Variants in FDFT1 observed in about 807,000 individuals in gnomAD.
The protein encoded by FDFT1 is squalene synthase.
FDFT1 carries 68 observed loss-of-function variants against 46.8 expected under a neutral mutation model. That is an observed-to-expected ratio of 1.45 (90% CI 1.19 to 1.78). The LOEUF is 1.78. Ranked by LOEUF, FDFT1 falls within the 40% of genes most tolerant of loss-of-function variation. The probability of loss-of-function intolerance (pLI) is 0.00; values close to 1 mark genes in which losing one functional copy is unlikely to be tolerated. For missense variants in FDFT1, 928 were observed against 524.4 expected (o/e 1.77, Z -7.52); for synonymous variants, 351 against 185.1 (o/e 1.90, Z -7.28).
In FDFT1 at chr8:11,831,839, C is replaced by G. The variant is rs566492334; in HGVS notation, c.1032+169C>G. 21 of 620,648 alleles carry G rather than the reference C, an allele frequency of 3.4e-5. No homozygotes were observed. The African/African-American group carries it at 3.7e-4, about 11-fold the overall frequency. The allele number at this position is 620,648 out of a possible 1,614,324, so 38.4% of individuals were successfully genotyped here. A position where few individuals can be genotyped will look rare whatever the true frequency, so the allele number is the denominator to read the frequency against. ...AAGGAAAAAAGTCTATTCACAGGAG[C>G]CGAGCAGATTGCTCACTGCTGTGTA... On this transcript the variant is annotated intron_variant, in intron 7 of 7. Transcript: ENST00000220584.
rs1173933710 is a variant in FDFT1 at position 11,808,413 on chromosome 8, C to T, written c.100-381C>T. On this transcript the variant is annotated intron_variant, in intron 1 of 7. Coordinates refer to ENST00000220584, the MANE Select transcript of FDFT1 (RefSeq NM_004462.5). Reference sequence around the variant, plus strand: ...GGGGCGGGCCCGTTGTGGGTCGGCCCAGCGCGTATTCGAGTAGAGGGCGAG... The same window carrying T: ...GGGGCGGGCCCGTTGTGGGTCGGCCTAGCGCGTATTCGAGTAGAGGGCGAG... 13 of 1,255,020 alleles carry T rather than the reference C, an allele frequency of 1.0e-5. No individual in the cohort carries two copies. The East Asian group carries it at 3.8e-4, about 37-fold the overall frequency. 77.7% of individuals were successfully genotyped at this position (1,255,020 alleles called of 1,614,324 possible).
intron 3 of FDFT1, among the ~76,000 whole-genome samples, chr8:11,815,304 A>G (rs924494638): frequency 3.9e-5 from 6 of 152,048 alleles, no homozygotes; most frequent in African/African-American, 2.4e-5. Context: ...GGTCTTTGCT[A>G]TTGTGAATAG....
At chr8:11,814,548 T>A (rs1189032428) in intron 3 of FDFT1, among the ~76,000 whole-genome samples, 1 of 152,220 alleles carries the variant, frequency 6.6e-6, no homozygotes, top group Non-Finnish European at 1.5e-5. Flanking sequence ...TAGGCTCTCA[T>A]GTTTTAAGAC....
At chr8:11,801,765 C>A, upstream of FDFT1, 1 of 357,446 alleles carries the variant, frequency 2.8e-6, no homozygotes, top group Non-Finnish European at 5.5e-6. Flanking sequence ...GTCATCTTGG[C>A]TCACTGCAAA....
At chr8:11,818,358 C>A (rs1380408275) in intron 3 of FDFT1, among the ~76,000 whole-genome samples, 1 of 152,166 alleles carries the variant, frequency 6.6e-6, no homozygotes, top group Non-Finnish European at 1.5e-5. Flanking sequence ...GTGGAGAGTT[C>A]TGTAGATGTC....
intron 5 of FDFT1, 148 bp from the exon 6 acceptor site, chr8:11,830,096 T>C: frequency 1.5e-6 from 1 of 670,170 alleles, no homozygotes; most frequent in Non-Finnish European, 2.6e-6. Context: ...TCCACCCTCC[T>C]CGGCCTCCCA....
At chr8:11,805,491 C>T (rs1011651749) in intron 1 of FDFT1, among the ~76,000 whole-genome samples, 1 of 152,176 alleles carries the variant, frequency 6.6e-6, no homozygotes, top group Non-Finnish European at 1.5e-5. Context: ...AGACTAATAT[C>T]TTAAGTCTGT....
chr8:11,808,366 GGGGGCGGGGCTGCGGGGCTGC>G, intron 1 of FDFT1: 1 of 1,234,486 alleles, frequency 8.1e-7, no homozygotes, highest in Non-Finnish European at 1.0e-6. Context: ...GCGGGAGGCC[GGGGGCGGGGCTGCGGGGCTGC>G]GGGGCGGGCC....
rs950933455 is a variant in FDFT1 at position 11,839,131 on chromosome 8, CCA to C, written c.*527_*528del. 1.3e-5 allele frequency: 2 copies of C among 155,040 alleles called. No individual in the cohort carries two copies. The highest frequency in any genetic ancestry group is 4.8e-5 in the African/African-American group (2 of 41,422). 9.6% of individuals were successfully genotyped at this position (155,040 alleles called of 1,614,324 possible). A position where few individuals can be genotyped will look rare whatever the true frequency, so the allele number is the denominator to read the frequency against. On this transcript the variant is annotated 3_prime_UTR_variant, in exon 8 of 8. Transcript: ENST00000220584. ...TTCCTAAGAATGCAAACTGCCTTTTCCACACAAAGGCTGGGAATAAAATTCTG... is the reference window on the plus strand; with the variant it reads ...TTCCTAAGAATGCAAACTGCCTTTTCCACAAAGGCTGGGAATAAAATTCTG...
chr8:11,808,445 C>G, intron 1 of FDFT1: 1 of 1,271,132 alleles, frequency 7.9e-7, no homozygotes. Context: ...CGAGCCCGTC[C>G]CGCCCCTCGT....
chr8:11,819,299 C>A (rs1161936806), intron 3 of FDFT1, among the ~76,000 whole-genome samples: 2 of 152,142 alleles, frequency 1.3e-5, no homozygotes. Flanking sequence ...TTCATTTCAA[C>A]GTTGGTGAAT....
intron 7 of FDFT1, among the ~76,000 whole-genome samples, chr8:11,837,477 G>A (rs1293327): frequency 0.19 from 28,380 of 152,080 alleles, 3,073 homozygotes; most frequent in Middle Eastern, 0.27. Context: ...AGCAGTCTAC[G>A]TGCCTCAGCC....
intron 7 of FDFT1, among the ~76,000 whole-genome samples, chr8:11,833,590 T>C (rs1811153135): frequency 6.6e-6 from 1 of 152,350 alleles, no homozygotes; most frequent in East Asian, 1.9e-4. Flanking sequence ...GATTAAATCC[T>C]GGTTGTAATT....
intron 3 of FDFT1, among the ~76,000 whole-genome samples, chr8:11,817,792 T>G (rs975173480): frequency 1.3e-5 from 2 of 151,450 alleles, no homozygotes; most frequent in African/African-American, 4.9e-5. Flanking sequence ...TTTGTTGATC[T>G]TTTCAAAAAA....
chr8:11,816,585 T>C (rs756790979), intron 3 of FDFT1, among the ~76,000 whole-genome samples: 29 of 152,352 alleles, frequency 1.9e-4, no homozygotes, highest in Non-Finnish European at 5.9e-5. Flanking sequence ...GTCCTTCATA[T>C]CCCTTGTAAG....
upstream of FDFT1, among the ~76,000 whole-genome samples, chr8:11,798,964 A>C (rs1359698340): frequency 6.6e-6 from 1 of 152,226 alleles, no homozygotes; most frequent in Non-Finnish European, 1.5e-5. Flanking sequence ...TTGAAGGAAA[A>C]GGCGTTTGAG....
At position 11,838,441 on chromosome 8, in the gene FDFT1, C is replaced by T. The variant is rs766342498; in HGVS notation, c.1086C>T (p.Ile362=). The change falls in exon 8 of 8, where the codon ATC becomes ATT. Residue 362 remains isoleucine, a synonymous_variant. Coordinates refer to ENST00000220584, the MANE Select transcript of FDFT1 (RefSeq NM_004462.5). ...CATCTTCTAGCAAAACAAGGCAGAT[C>T]ATCTCCACCATCCGGACGCAGAATC... is the stretch of plus-strand genomic sequence containing the variant. ...SDPSSSKTRQ[I]ISTIRTQNLP... is the part of the protein sequence containing the mutation. 16 of 1,610,630 alleles carry T rather than the reference C, an allele frequency of 9.9e-6. No individual in the cohort carries two copies. The highest frequency in any genetic ancestry group is 1.2e-5 in the Non-Finnish European group (14 of 1,178,210).
chr8:11,833,807 C>T (rs974228696), intron 7 of FDFT1, among the ~76,000 whole-genome samples: 7 of 152,198 alleles, frequency 4.6e-5, no homozygotes, highest in African/African-American at 1.4e-4. Context: ...GGTTTGCTGA[C>T]TTCTGACTTA....
chr8:11,803,321 G>C, intron 1 of FDFT1: 1 of 1,297,446 alleles, frequency 7.7e-7, no homozygotes, highest in Non-Finnish European at 1.0e-6. Context: ...GAACTATGCA[G>C]ATAACATCAC....
Sources: allele counts gnomAD v4.1 joint callset (sites outside exome capture counted in the v4.1 genomes callset), GRCh38; gene constraint gnomAD v4.1.1; transcripts MANE v1.5; gene names NCBI Gene and HGNC (gene_info 2026-07-23, HGNC 2026-07-21).